SLC30A5: variants seen among roughly 807,000 people sequenced by gnomAD.
The protein encoded by SLC30A5 is proton-coupled zinc antiporter SLC30A5.
In SLC30A5, 33 loss-of-function variants were observed where a neutral mutation model predicts 79.6. The observed-to-expected ratio is 0.41, with a 90% CI of 0.31 to 0.55. The LOEUF (loss-of-function observed/expected upper bound fraction) is 0.55. Among genes scored for constraint, SLC30A5 ranks in the 20% least tolerant of loss-of-function variants. SLC30A5 has a pLI of 0.20. For synonymous variants in SLC30A5, 299 were observed against 319.7 expected (o/e 0.94, Z 0.69); for missense variants, 788 against 928.1 (o/e 0.85, Z 1.96).
chr5:69,128,248 C>CTA, intron 15 of SLC30A5, 116 bp downstream of exon 15: 9 of 463,256 alleles, frequency 1.9e-5, no homozygotes, highest in Non-Finnish European at 2.6e-5. Context: ...AATCTTCCAA[C>CTA]TCTTTTTTTT....
chr5:69,127,346 C>T lies in SLC30A5; in HGVS notation c.1999-658C>T, dbSNP rs1746724726. On this transcript the variant is annotated intron_variant, in intron 14 of 15. Coordinates refer to ENST00000396591, the MANE Select transcript of SLC30A5 (RefSeq NM_022902.5). ...ATTTTAGGTATAAAGATAACTGTAA[C>T]AGCTGGGCACGGTGGTCCACACCTA... 2.0e-5 allele frequency among the ~76,000 whole-genome samples: 3 copies of T among 151,992 alleles called. No homozygotes were observed. The South Asian group carries it at 6.3e-4, about 32-fold the overall frequency.
chr5:69,130,760 A>G lies in SLC30A5; in HGVS notation c.*1143A>G, dbSNP rs1226072071. The G allele has an allele frequency of 1.3e-5, 2 of 152,144 alleles. No homozygotes were observed. Among genetic ancestry groups the G allele is most frequent in the Non-Finnish European group, 2.9e-5 (2 of 68,008 alleles). 9.4% of individuals were successfully genotyped at this position (152,144 alleles called of 1,614,324 possible). ...GACTTTACCATAGACAATAACATGC[A>G]GTTTTATCAGCACCAAAGAATGTTG... On this transcript the variant is annotated 3_prime_UTR_variant, in exon 16 of 16. Transcript: ENST00000396591.
intron 1 of SLC30A5, 83 bp from the exon 2 acceptor site, chr5:69,100,724 T>A: frequency 8.4e-7 from 1 of 1,193,580 alleles, no homozygotes; most frequent in Non-Finnish European, 1.2e-6. Flanking sequence ...GTTTCTGTAA[T>A]GACCTCTTGT....
intron 2 of SLC30A5, 119 bp downstream of exon 2, chr5:69,101,048 T>A: frequency 1.0e-6 from 1 of 1,001,862 alleles, no homozygotes; most frequent in South Asian, 2.5e-5. Context: ...TGACAAGTAT[T>A]TGATAAACTT....
At chr5:69,123,622 C>A in intron 14 of SLC30A5, 197 bp downstream of exon 14, 1 of 526,506 alleles carries the variant, frequency 1.9e-6, no homozygotes, top group Non-Finnish European at 3.4e-6. Flanking sequence ...TACAGTTTTA[C>A]TTAAAGGATA....
chr5:69,125,407 T>C (rs1054207895), intron 14 of SLC30A5, among the ~76,000 whole-genome samples: 1 of 151,214 alleles, frequency 6.6e-6, no homozygotes, highest in African/African-American at 2.4e-5. Flanking sequence ...GCACCTGTAA[T>C]CCAAGCTACT....
intron 14 of SLC30A5, among the ~76,000 whole-genome samples, chr5:69,126,937 C>G (rs1217471331): frequency 6.6e-6 from 1 of 151,102 alleles, no homozygotes. Context: ...CCTTCCCATT[C>G]TACAAAAAGC....
intron 12 of SLC30A5, among the ~76,000 whole-genome samples, chr5:69,119,414 C>G (rs1194139515): frequency 6.6e-6 from 1 of 152,040 alleles, no homozygotes; most frequent in Non-Finnish European, 1.5e-5. Context: ...ATGTTTTGTG[C>G]ATTCTTCTTT....
At chr5:69,121,552 C>T in intron 12 of SLC30A5, 142 bp from the exon 13 acceptor site, 1 of 560,354 alleles carries the variant, frequency 1.8e-6, no homozygotes, top group South Asian at 3.3e-5. Flanking sequence ...AAATTTTGGA[C>T]TTACTGAAAC....
intron 15 of SLC30A5, among the ~76,000 whole-genome samples, chr5:69,129,078 C>T (rs917057284): frequency 2.6e-5 from 4 of 152,196 alleles, no homozygotes; most frequent in African/African-American, 9.6e-5. Context: ...ATCCTCCTGC[C>T]TCAGCCTCCC....
At position 69,105,541 on chromosome 5, in the gene SLC30A5, A is replaced by G. The variant is rs142673701; in HGVS notation, c.359+825A>G. ...GCCAACATAGCAAAACCCCGCCTTTATTAAAAAATATACAAAAATTAGCCA... is the reference window on the plus strand; with the variant it reads ...GCCAACATAGCAAAACCCCGCCTTTGTTAAAAAATATACAAAAATTAGCCA... On this transcript the variant is annotated intron_variant, in intron 4 of 15. Coordinates refer to ENST00000396591, the MANE Select transcript of SLC30A5 (RefSeq NM_022902.5). Among the ~76,000 whole-genome samples, 56 of 152,250 alleles carry G rather than the reference A, an allele frequency of 3.7e-4. 1 individual carries two copies. Among genetic ancestry groups the G allele is most frequent in the Middle Eastern group, 3.4e-3 (1 of 294 alleles).
At position 69,115,295 on chromosome 5, in the gene SLC30A5, C is replaced by T; in HGVS notation, c.671C>T (p.Ser224Phe). ...TGTAAAGTTGGTTTTCATACAGCTT[C>T]CAGAAAGCTCTCTGTCGACGTTGGT... is the stretch of plus-strand genomic sequence containing the variant. ...LCCKVGFHTA[S>F]RKLSVDVGGA... The change falls in exon 8 of 16, where the codon TCC becomes TTC. Residue 224 changes from serine (S) to phenylalanine (F), a missense_variant. By Grantham distance (155) the Ser-to-Phe change is radical (BLOSUM62 -2). Around this residue, in one of 3 missense-constraint regions of SLC30A5, gnomAD observed 626 missense variants for 755.5 expected, o/e 0.83. Coordinates refer to ENST00000396591, the MANE Select transcript of SLC30A5 (RefSeq NM_022902.5). 6.2e-7 allele frequency: 1 copy of T among 1,613,964 alleles called. No individual in the cohort carries two copies. Among genetic ancestry groups the T allele is most frequent in the South Asian group, 1.1e-5 (1 of 91,068 alleles).
At chr5:69,112,661 T>A (rs1162759544) in intron 5 of SLC30A5, among the ~76,000 whole-genome samples, 1 of 152,230 alleles carries the variant, frequency 6.6e-6, no homozygotes, top group African/African-American at 2.4e-5. Context: ...ATCAGCTTTT[T>A]AAGTACTTTG....
chr5:69,113,082 G>A (rs1170371237), intron 5 of SLC30A5, 58 bp from the exon 6 acceptor site: 6 of 1,332,546 alleles, frequency 4.5e-6, no homozygotes, highest in Admixed American at 1.8e-5. Context: ...ATGTAGTTAC[G>A]GTCTTAAAAA....
intron 8 of SLC30A5, 94 bp from the exon 9 acceptor site, chr5:69,115,832 G>A (rs1746355585): frequency 4.7e-6 from 5 of 1,062,382 alleles, no homozygotes; most frequent in Admixed American, 2.4e-5. Flanking sequence ...TGAATCATGC[G>A]ATTTTTATTT....
At chr5:69,128,890 A>T (rs1314874736) in intron 15 of SLC30A5, among the ~76,000 whole-genome samples, 3 of 152,222 alleles carry the variant, frequency 2.0e-5, no homozygotes, top group African/African-American at 7.2e-5. Flanking sequence ...TGTGAATGTC[A>T]AATCAGTAAT....
At position 69,128,250 on chromosome 5, in the gene SLC30A5, CTTTT is replaced by C. The variant is rs71612509; in HGVS notation, c.2127+134_2127+137del. 2,237 of 285,442 alleles carry C rather than the reference CTTTT, an allele frequency of 7.8e-3. 12 individuals carry two copies. Among genetic ancestry groups the C allele is most frequent in the African/African-American group, 0.025 (828 of 33,736 alleles). The allele number at this position is 285,442 out of a possible 1,614,324, so 17.7% of individuals were successfully genotyped here. On this transcript the variant is annotated intron_variant, in intron 15 of 15. Transcript: ENST00000396591. ...ATTCAGAAATATCAATCTTCCAACT[CTTTT>C]TTTTTTTTTTTTTTTGAGACAGGGT... is the stretch of plus-strand genomic sequence containing the variant.
chr5:69,118,424 T>C, intron 11 of SLC30A5, 75 bp from the exon 12 acceptor site: 1 of 1,316,120 alleles, frequency 7.6e-7, no homozygotes, highest in Non-Finnish European at 1.0e-6. Context: ...TTTGGACTTG[T>C]TTCCTCATTT....
Position 69,126,786 on chromosome 5 carries a change from A to AAAC in SLC30A5, c.1999-1197_1999-1195dup, listed in dbSNP as rs759760823. On this transcript the variant is annotated intron_variant, in intron 14 of 15. Coordinates refer to ENST00000396591, the MANE Select transcript of SLC30A5 (RefSeq NM_022902.5). ...CTCTGTCTTAAAAAAACAAACAAAC[A>AAAC]AACAACAACAACAACAACAACAAAA... Among the ~76,000 whole-genome samples, 871 of 150,676 alleles carry AAAC rather than the reference A, an allele frequency of 5.8e-3. 13 individuals carry two copies. Among genetic ancestry groups the AAAC allele is most frequent in the African/African-American group, 0.019 (781 of 41,030 alleles).
Sources: allele counts gnomAD v4.1 joint callset (sites outside exome capture counted in the v4.1 genomes callset), GRCh38; gene constraint gnomAD v4.1.1; regional missense constraint gnomAD v4.1.1; transcripts MANE v1.5; gene names NCBI Gene and HGNC (gene_info 2026-07-23, HGNC 2026-07-21).